Variants in ITCH observed in about 807,000 individuals in gnomAD.
The protein encoded by ITCH is itchy E3 ubiquitin protein ligase.
Under a neutral mutation model 126.8 loss-of-function variants are expected in ITCH, and 28 were observed. That is an observed-to-expected ratio of 0.22 (90% confidence interval 0.16 to 0.30). ITCH has a LOEUF of 0.30. Among genes scored for constraint, ITCH ranks in the 10% least tolerant of loss-of-function variants. The probability of loss-of-function intolerance (pLI) is 1.00; values close to 1 mark genes in which losing one functional copy is unlikely to be tolerated. For synonymous variants in ITCH, 342 were observed against 340.0 expected (o/e 1.01, Z -0.06); for missense variants, 631 against 1,032.4 (o/e 0.61, Z 5.33).
At chr20:34,396,008 G>C (rs1461000005) in intron 3 of ITCH, among the ~76,000 whole-genome samples, 1 of 150,982 alleles carries the variant, frequency 6.6e-6, no homozygotes, top group Non-Finnish European at 1.5e-5. Flanking sequence ...TTAGCATTTT[G>C]AGGAATTCCA....
intron 18 of ITCH, 80 bp downstream of exon 18, chr20:34,479,869 A>G (rs1478220985): frequency 1.6e-6 from 2 of 1,247,426 alleles, no homozygotes; most frequent in South Asian, 1.2e-5. Context: ...AACAGATCAT[A>G]TGAGAGAAAG....
chr20:34,398,645 C>T (rs368315397), intron 3 of ITCH, among the ~76,000 whole-genome samples: 5 of 152,266 alleles, frequency 3.3e-5, no homozygotes, highest in East Asian at 3.9e-4. Context: ...GTGATCCACC[C>T]GCCTCTGCCT....
At chr20:34,488,401 A>G (rs1238100411) in intron 20 of ITCH, among the ~76,000 whole-genome samples, 1 of 152,164 alleles carries the variant, frequency 6.6e-6, no homozygotes, top group Non-Finnish European at 1.5e-5. Context: ...AGAGACAAAT[A>G]CTGAAGTATT....
At chr20:34,381,847 G>A (rs2038077415) in intron 2 of ITCH, among the ~76,000 whole-genome samples, 2 of 146,374 alleles carry the variant, frequency 1.4e-5, no homozygotes, top group South Asian at 4.3e-4. Context: ...TCTGTCAACA[G>A]AGCAAGTCCC....
At chr20:34,507,584 C>A in intron 24 of ITCH, 111 bp from the exon 25 acceptor site, 1 of 810,412 alleles carries the variant, frequency 1.2e-6, no homozygotes, top group Non-Finnish European at 2.1e-6. Flanking sequence ...TCCTTTGAAG[C>A]ACAGTAGTAT....
chr20:34,438,880 C>T (rs1451620850), intron 8 of ITCH, among the ~76,000 whole-genome samples: 4 of 152,046 alleles, frequency 2.6e-5, no homozygotes, highest in African/African-American at 4.8e-5. Flanking sequence ...AAAGTATAGG[C>T]GGTGCAGATA....
Position 34,462,241 on chromosome 20 carries a change from T to C in ITCH, c.1424+20T>C. 6.2e-7 allele frequency: 1 copy of C among 1,611,080 alleles called. No individual in the cohort carries two copies. Among genetic ancestry groups the C allele is most frequent in the Non-Finnish European group, 8.5e-7 (1 of 1,177,444 alleles). ...TGCCCTGTAAGTTTTCTAAACATTG[T>C]AGATTAAGAGTAAAATACTAGTCCT... On this transcript the variant is annotated intron_variant, in intron 14 of 24. Coordinates refer to ENST00000374864, the MANE Select transcript of ITCH (RefSeq NM_031483.7).
rs759091807 is a variant in ITCH, at chr20:34,442,179, T to A, written c.870-29T>A. 1.9e-6 allele frequency: 3 copies of A among 1,552,264 alleles called. No individual in the cohort carries two copies. In the South Asian group the frequency reaches 3.3e-5, roughly 17 times the overall value. On this transcript the variant is annotated intron_variant, in intron 9 of 24. Transcript: ENST00000374864. The stretch of plus-strand genomic sequence containing the variant: ...AAAGCCAGGTAACTCATGCAAGTAT[T>A]TTACCAGCCTTTTAATTTTGTATTT...
rs1988657207 is a variant in ITCH, at chr20:34,480,616, A to G, written c.1836A>G (p.Lys612=). Residue 612 remains lysine, a synonymous_variant, in exon 19 of 25, where the codon AAA becomes AAG. Transcript: ENST00000374864. ...RFIAMALFHG[K]FIDTGFSLPF... is the part of the protein sequence containing the mutation. ...TTTCATAGGCTCTGTTCCATGGGAA[A>G]TTCATAGACACGGGTTTTTCTTTAC... is the stretch of plus-strand genomic sequence containing the variant. 1 of 1,613,858 alleles carries G rather than the reference A, an allele frequency of 6.2e-7. No homozygotes were observed. Among genetic ancestry groups the G allele is most frequent in the Non-Finnish European group, 8.5e-7 (1 of 1,179,810 alleles).
At chr20:34,394,008 G>T (rs1026800141) in intron 3 of ITCH, 127 bp downstream of exon 3, 17 of 846,412 alleles carry the variant, frequency 2.0e-5, no homozygotes, top group Non-Finnish European at 3.0e-5. Context: ...GAGGTGGGCG[G>T]GTCACTTGAG....
chr20:34,475,626 G>T (rs1988131591), intron 16 of ITCH, among the ~76,000 whole-genome samples: 1 of 151,940 alleles, frequency 6.6e-6, no homozygotes, highest in South Asian at 2.1e-4. Context: ...CTTCGGCTCG[G>T]CATCAGAGGG....
intron 6 of ITCH, among the ~76,000 whole-genome samples, chr20:34,414,457 CTTTTTTTTTT>C (rs770240058): frequency 7.1e-5 from 5 of 70,826 alleles, no homozygotes; most frequent in Non-Finnish European, 1.0e-4. Context: ...ACTTTAAATC[CTTTTTTTTTT>C]TTTTTTTTTT....
At chr20:34,476,714 A>G (rs944355620) in intron 16 of ITCH, 13 of 231,258 alleles carry the variant, frequency 5.6e-5, no homozygotes, top group Non-Finnish European at 1.1e-4. Flanking sequence ...ATAAACAGGT[A>G]TACTTACTGA....
intron 13 of ITCH, among the ~76,000 whole-genome samples, chr20:34,458,701 G>A (rs1986247329): frequency 6.6e-6 from 1 of 152,170 alleles, no homozygotes; most frequent in South Asian, 2.1e-4. Context: ...TCCTTGGCTT[G>A]TGGCAGCATG....
rs1978513739 is a variant in ITCH at position 34,408,766 on chromosome 20, T to C, written c.186T>C (p.Ser62=). 1 of 1,613,936 alleles carries C rather than the reference T, an allele frequency of 6.2e-7. No homozygotes were observed. Among genetic ancestry groups the C allele is most frequent in the Non-Finnish European group, 8.5e-7 (1 of 1,179,990 alleles). ...CAGAAAAATGCAACAACACAAACAG[T>C]CCCAAGTGGAAGCAACCCCTTACAG... ...KKTEKCNNTN[S]PKWKQPLTVI... is the part of the protein sequence containing the mutation. Residue 62 remains serine (S), a synonymous_variant, in exon 4 of 25, where the codon AGT becomes AGC. Coordinates refer to ENST00000374864, the MANE Select transcript of ITCH (RefSeq NM_031483.7).
intron 23 of ITCH, among the ~76,000 whole-genome samples, chr20:34,494,129 T>G (rs1600491527): frequency 6.6e-6 from 1 of 152,290 alleles, no homozygotes. Flanking sequence ...CTGGGAAGGC[T>G]GAGGCAGGGA....
At chr20:34,381,297 T>C (rs1203596004) in intron 2 of ITCH, among the ~76,000 whole-genome samples, 3 of 151,636 alleles carry the variant, frequency 2.0e-5, no homozygotes, top group African/African-American at 7.3e-5. Context: ...TTTGTTTGTT[T>C]TTTGAGATGG....
chr20:34,385,937 C>T (rs376638781), intron 2 of ITCH, among the ~76,000 whole-genome samples: 2 of 152,082 alleles, frequency 1.3e-5, no homozygotes, highest in African/African-American at 2.4e-5. Flanking sequence ...GGAAAGCAAC[C>T]GCCTTCCCTA....
At chr20:34,492,063 G>A (rs188355960) in intron 22 of ITCH, among the ~76,000 whole-genome samples, 3 of 146,472 alleles carry the variant, frequency 2.0e-5, no homozygotes, top group African/African-American at 2.7e-5. Flanking sequence ...TTAAAACTGC[G>A]TGAGTACGGA....
Sources: gnomAD v4.1 joint callset for allele counts (sites outside exome capture counted in the v4.1 genomes callset) on GRCh38, gnomAD v4.1.1 for gene constraint, MANE v1.5 for transcripts, NCBI Gene and HGNC (gene_info 2026-07-23, HGNC 2026-07-21) for gene names.